Variants in BBS7 observed in about 807,000 individuals in gnomAD.
BBS7 encodes BBSome complex member BBS7.
Under a neutral mutation model 90.3 loss-of-function variants are expected in BBS7, and 50 were observed. That is an observed-to-expected ratio of 0.55 (90% CI 0.44 to 0.70). BBS7 has a LOEUF of 0.70. Ranked by LOEUF, BBS7 falls within the 30% of genes least tolerant of loss-of-function variation. BBS7 has a pLI of 0.00. For missense variants in BBS7, 729 were observed against 838.9 expected (o/e 0.87, Z 1.62); for synonymous variants, 235 against 287.4 (o/e 0.82, Z 1.85).
In BBS7 at chr4:121,831,254, TAAC is replaced by T. The variant is rs572806950; in HGVS notation, c.1676+1974_1676+1976del. On this transcript the variant is annotated intron_variant, in intron 15 of 18. Coordinates refer to ENST00000264499, the MANE Select transcript of BBS7 (RefSeq NM_176824.3). The stretch of plus-strand genomic sequence containing the variant: ...AAAATTATTATATACTTTAAGCAGA[TAAC>T]AATAAATATCACAGACAAGTAAGAA... 4.7e-4 allele frequency among the ~76,000 whole-genome samples: 72 copies of T among 151,766 alleles called. 1 individual carries two copies. Among genetic ancestry groups the T allele is most frequent in the Non-Finnish European group, 7.7e-4 (52 of 67,920 alleles).
Position 121,858,981 on chromosome 4 carries a change from A to T in BBS7, c.528+11T>A, listed in dbSNP as rs1269769787. The T allele has an allele frequency of 1.9e-6, 3 of 1,611,402 alleles. No homozygotes were observed. The highest frequency in any genetic ancestry group is 2.2e-5 in the South Asian group (2 of 90,736). ...AATATAAAAAATTAGAAAAATACAA[A>T]TAACAGCAACCTGTAAAACTCTGAG... On this transcript the variant is annotated intron_variant, in intron 5 of 18. Coordinates refer to ENST00000264499, the MANE Select transcript of BBS7 (RefSeq NM_176824.3).
At chr4:121,829,426 G>A (rs1329598044) in intron 15 of BBS7, among the ~76,000 whole-genome samples, 1 of 152,044 alleles carries the variant, frequency 6.6e-6, no homozygotes, top group Middle Eastern at 3.4e-3. Flanking sequence ...GAGTAGAGAT[G>A]GGGGTCTCAC....
chr4:121,847,634 C>T, intron 9 of BBS7, 128 bp from the exon 10 acceptor site: 2 of 681,568 alleles, frequency 2.9e-6, no homozygotes. Flanking sequence ...TAACTTAACC[C>T]TAGGACTTCA....
intron 14 of BBS7, 55 bp from the exon 15 acceptor site, chr4:121,833,450 A>C: frequency 6.7e-7 from 1 of 1,497,928 alleles, no homozygotes; most frequent in Non-Finnish European, 9.3e-7. Context: ...TGAAAGTATT[A>C]TATGTACACG....
chr4:121,855,633 C>G, intron 5 of BBS7, 72 bp from the exon 6 acceptor site: 3 of 1,286,588 alleles, frequency 2.3e-6, no homozygotes, highest in Non-Finnish European at 3.4e-6. Flanking sequence ...TGAATAACAT[C>G]AATATTCAAA....
intron 3 of BBS7, among the ~76,000 whole-genome samples, chr4:121,862,903 A>G (rs893107734): frequency 2.0e-5 from 3 of 152,200 alleles, no homozygotes; most frequent in Non-Finnish European, 4.4e-5. Context: ...AGCTGTGTGA[A>G]ACCTTGAGCA....
chr4:121,833,914 T>A (rs1362033369), intron 14 of BBS7, among the ~76,000 whole-genome samples: 1 of 152,084 alleles, frequency 6.6e-6, no homozygotes, highest in African/African-American at 2.4e-5. Flanking sequence ...AGGATCTCAT[T>A]AGGGAAATAA....
chr4:121,857,191 A>G (rs775424404), intron 5 of BBS7, among the ~76,000 whole-genome samples: 1 of 149,528 alleles, frequency 6.7e-6, no homozygotes, highest in Non-Finnish European at 1.5e-5. Flanking sequence ...TGGTGTGATC[A>G]TAGCTTACCG....
At chr4:121,855,241 G>A (rs1410504015) in intron 6 of BBS7, among the ~76,000 whole-genome samples, 2 of 152,086 alleles carry the variant, frequency 1.3e-5, no homozygotes, top group African/African-American at 2.4e-5. Flanking sequence ...CTGGGAGGTC[G>A]AGGCCGTGGT....
At chr4:121,863,164 T>C in intron 3 of BBS7, 53 bp downstream of exon 3, 4 of 1,533,202 alleles carry the variant, frequency 2.6e-6, no homozygotes, top group East Asian at 2.3e-5. Context: ...ATTCAATAAA[T>C]AGTGCATTCT....
At position 121,848,901 on chromosome 4, in the gene BBS7, G is replaced by A. The variant is rs752375455; in HGVS notation, c.877C>T (p.Gln293Ter). 1.9e-6 allele frequency: 3 copies of A among 1,613,884 alleles called. No homozygotes were observed. Among genetic ancestry groups the A allele is most frequent in the Non-Finnish European group, 2.5e-6 (3 of 1,179,972 alleles). The change falls in exon 9 of 19, where the codon CAG becomes TAG. Residue 293 changes from glutamine (Q) to a stop codon, truncating the protein, a stop_gained. Transcript: ENST00000264499. LOFTEE classifies it high-confidence loss of function. The stretch of plus-strand genomic sequence containing the variant: ...CTGTCTTTTCCTACACAACCACCCT[G>A]GATAGATGTGACGCTTTCAGACAAC... ...QMLSESVTSI[Q>*]GGCVGKDSYD...
Position 121,855,416 on chromosome 4 carries a change from C to A in BBS7, c.601+73G>T, listed in dbSNP as rs938616156. On this transcript the variant is annotated intron_variant, in intron 6 of 18. Coordinates refer to ENST00000264499, the MANE Select transcript of BBS7 (RefSeq NM_176824.3). ...AACTGTCTCAATTCTAGTTTATGTC[C>A]TTTCTACAATTTCCCATTTTCACTT... The A allele has an allele frequency of 2.2e-6, 3 of 1,375,362 alleles. No homozygotes were observed. The African/African-American group carries it at 4.3e-5, about 20-fold the overall frequency. The allele number at this position is 1,375,362 out of a possible 1,614,324, so 85.2% of individuals were successfully genotyped here.
rs3217754 is a variant in BBS7, at chr4:121,825,130, TC to T, written c.*729del. 45,575 of 152,038 alleles carry T rather than the reference TC, an allele frequency of 0.3. 8,339 individuals are homozygous for T. Among genetic ancestry groups the T allele is most frequent in the East Asian group, 0.44 (2,271 of 5,182 alleles). The allele number at this position is 152,038 out of a possible 1,614,324, so 9.4% of individuals were successfully genotyped here. On this transcript the variant is annotated 3_prime_UTR_variant, in exon 19 of 19. Coordinates refer to ENST00000264499, the MANE Select transcript of BBS7 (RefSeq NM_176824.3). ...CTGGTTACAGCATGTCTAATTAAGA[TC>T]CCCCGACTCTGTGTAAGCTCTTCTT...
At chr4:121,842,251 C>CAAAAAAAA (rs1270788731) in intron 12 of BBS7, among the ~76,000 whole-genome samples, 2 of 66,630 alleles carry the variant, frequency 3.0e-5, no homozygotes, top group Non-Finnish European at 7.0e-5. Context: ...GACTCCATCT[C>CAAAAAAAA]AAAAAAAAAA....
intron 7 of BBS7, 60 bp from the exon 8 acceptor site, chr4:121,853,146 G>T: frequency 6.4e-7 from 1 of 1,565,554 alleles, no homozygotes; most frequent in Non-Finnish European, 8.8e-7. Flanking sequence ...TCAAGTATAT[G>T]CCAAGTAAGA....
chr4:121,828,831 G>A (rs1013771959), intron 15 of BBS7, 103 bp from the exon 16 acceptor site: 14 of 735,196 alleles, frequency 1.9e-5, no homozygotes, highest in Admixed American at 1.2e-4. Flanking sequence ...TCATTTGACT[G>A]TAGATTTCTT....
At chr4:121,856,784 T>C (rs1726697711) in intron 5 of BBS7, among the ~76,000 whole-genome samples, 1 of 152,114 alleles carries the variant, frequency 6.6e-6, no homozygotes, top group African/African-American at 2.4e-5. Flanking sequence ...GTTTTTTTTT[T>C]TTTGAGATGG....
chr4:121,833,058 C>T (rs149219704), intron 15 of BBS7, among the ~76,000 whole-genome samples, 173 bp downstream of exon 15: 231 of 152,262 alleles, frequency 1.5e-3, no homozygotes, highest in Middle Eastern at 3.4e-3. Flanking sequence ...TTTGCATATA[C>T]ATCTTTACTC....
rs926204721 is a variant in BBS7 at position 121,839,773 on chromosome 4, T to C, written c.1306-77A>G. ...AAAAAAAAGACATCAATAATAATAA[T>C]GGTTACCATTTGCTTAAGCACCTGT... On this transcript the variant is annotated intron_variant, in intron 12 of 18. Coordinates refer to ENST00000264499, the MANE Select transcript of BBS7 (RefSeq NM_176824.3). 12 of 1,270,122 alleles carry C rather than the reference T, an allele frequency of 9.4e-6. No individual in the cohort carries two copies. In the African/African-American group the frequency reaches 1.5e-4, roughly 16 times the overall value. The allele number at this position is 1,270,122 out of a possible 1,614,324, so 78.7% of individuals were successfully genotyped here.
Sources: gnomAD v4.1 joint callset for allele counts (sites outside exome capture counted in the v4.1 genomes callset) on GRCh38, gnomAD v4.1.1 for gene constraint, MANE v1.5 for transcripts, NCBI Gene and HGNC (gene_info 2026-07-23, HGNC 2026-07-21) for gene names.